Variants in DRP2 observed in about 807,000 individuals in gnomAD.
DRP2 encodes the protein dystrophin-related protein 2.
In DRP2, 29 loss-of-function variants were observed where a neutral mutation model predicts 78.2. The ratio of observed to expected loss-of-function variants is 0.37; its 90% CI spans 0.28 to 0.51. The LOEUF (loss-of-function observed/expected upper bound fraction) is 0.51. Among genes scored for constraint, DRP2 ranks in the 20% least tolerant of loss-of-function variants. The pLI, the probability that DRP2 is intolerant of heterozygous loss-of-function variation, is 0.94. For synonymous variants in DRP2, 290 were observed against 281.9 expected (o/e 1.03, Z -0.29); for missense variants, 686 against 770.6 (o/e 0.89, Z 1.30).
At position 101,256,114 on chromosome X, in the gene DRP2, G is replaced by A; in HGVS notation, c.2247-4G>A. The A allele has an allele frequency of 1.7e-6, 2 of 1,180,181 alleles. No individual in the cohort carries two copies. The highest frequency in any genetic ancestry group is 2.3e-6 in the Non-Finnish European group (2 of 881,491). On this transcript the variant is annotated splice_region_variant and splice_polypyrimidine_tract_variant and intron_variant, in intron 20 of 23. Transcript: ENST00000395209. Reference sequence around the variant, plus strand: ...CCTACTCTGCTTTCCCCACACCCATGCAGAGACGAGGACCAGTACCTGCTG... The same window carrying A: ...CCTACTCTGCTTTCCCCACACCCATACAGAGACGAGGACCAGTACCTGCTG...
chrX:101,230,200 C>T (rs767143658), intron 2 of DRP2, among the ~76,000 whole-genome samples: 2 of 112,207 alleles, frequency 1.8e-5, no homozygotes, highest in Non-Finnish European at 3.8e-5. Context: ...TGGAGAATCA[C>T]TCTATAAGGA....
Position 101,249,195 on chromosome X carries a change from C to T in DRP2, c.1540+596C>T, listed in dbSNP as rs533607319. On this transcript the variant is annotated intron_variant, in intron 14 of 23. Transcript: ENST00000395209. ...GGGGTGAGTGCTAAGTTAAATTAGA[C>T]GTGGTCCCTGCTTCCAATGATTTAC... Among the ~76,000 whole-genome samples, 74 of 112,015 alleles carry T rather than the reference C, an allele frequency of 6.6e-4. No homozygotes were observed. The South Asian group carries it at 0.019, about 28-fold the overall frequency.
intron 22 of DRP2, 145 bp downstream of exon 22, chrX:101,258,691 C>A (rs1268286079): frequency 1.1e-5 from 5 of 463,738 alleles, no homozygotes; most frequent in Non-Finnish European, 1.8e-5. Flanking sequence ...ACTGGGCCTG[C>A]GGTTGGTGGG....
At position 101,264,398 on chromosome X, in the gene DRP2, G is replaced by A. The variant is rs1182936565; in HGVS notation, c.*3777G>A. On this transcript the variant is annotated 3_prime_UTR_variant, in exon 24 of 24. Coordinates refer to ENST00000395209, the MANE Select transcript of DRP2 (RefSeq NM_001939.3). Reference sequence around the variant, plus strand: ...GGAAGTCTAGGGGACAAAGGGACAGGGTTGGGAACAAATTGGTTAACTTTG... The same window carrying A: ...GGAAGTCTAGGGGACAAAGGGACAGAGTTGGGAACAAATTGGTTAACTTTG... The A allele has an allele frequency of 1.8e-5, 2 of 111,942 alleles. No homozygotes were observed. Among genetic ancestry groups the A allele is most frequent in the Admixed American group, 1.9e-4 (2 of 10,540 alleles). The allele number at this position is 111,942 out of a possible 1,213,427, so 9.2% of individuals were successfully genotyped here. A position where few individuals can be genotyped will look rare whatever the true frequency, so the allele number is the denominator to read the frequency against.
intron 2 of DRP2, among the ~76,000 whole-genome samples, chrX:101,226,219 A>G (rs975629813): frequency 1.1e-4 from 12 of 112,326 alleles, no homozygotes; most frequent in Non-Finnish European, 2.3e-4. Flanking sequence ...TTGTATGGAT[A>G]CACCATTATT....
At chrX:101,260,450 T>A (rs752518934) in intron 23 of DRP2, 47 bp from the exon 24 acceptor site, 13 of 1,185,148 alleles carry the variant, frequency 1.1e-5, no homozygotes, top group Non-Finnish European at 1.4e-5. Context: ...CTTGGCCTCA[T>A]AAAGGAGTCT....
chrX:101,226,860 T>C (rs1922138625), intron 2 of DRP2, among the ~76,000 whole-genome samples: 1 of 112,043 alleles, frequency 8.9e-6, no homozygotes, highest in South Asian at 3.7e-4. Context: ...GTCCATTTTC[T>C]GTTGCTTATA....
intron 9 of DRP2, among the ~76,000 whole-genome samples, chrX:101,243,413 AAAAC>A (rs200591556): frequency 0.012 from 1,195 of 102,627 alleles, 17 homozygotes; most frequent in Middle Eastern, 0.075. Flanking sequence ...AAAAAAAAAA[AAAAC>A]ACAATCTCTC....
At chrX:101,236,885 G>T (rs184295102) in intron 4 of DRP2, among the ~76,000 whole-genome samples, 3 of 111,445 alleles carry the variant, frequency 2.7e-5, no homozygotes, top group African/African-American at 6.5e-5. Context: ...TGGTGGTGAG[G>T]GGGGGGCAAT....
At chrX:101,238,051 A>G (rs1922576305) in intron 5 of DRP2, among the ~76,000 whole-genome samples, 1 of 112,127 alleles carries the variant, frequency 8.9e-6, no homozygotes, top group Admixed American at 9.5e-5. Context: ...GAAAAAACAC[A>G]GGATACAAAA....
intron 3 of DRP2, among the ~76,000 whole-genome samples, chrX:101,234,846 G>A (rs1922434206): frequency 9.0e-6 from 1 of 110,694 alleles, no homozygotes; most frequent in Admixed American, 9.6e-5. Flanking sequence ...AAGAAGTATG[G>A]TTGGGGGCAA....
In DRP2 at chrX:101,248,255, C is replaced by T. The variant is rs1006883809; in HGVS notation, c.1419C>T (p.Asp473=). Residue 473 remains aspartate (D), a synonymous_variant, in exon 13 of 24, where the codon GAC becomes GAT. Coordinates refer to ENST00000395209, the MANE Select transcript of DRP2 (RefSeq NM_001939.3). The stretch of plus-strand genomic sequence containing the variant: ...TGGTCAACGTGCCACTCTGTGTGGA[C>T]ATGAGCCTCAATTGGCTCCTCAATG... ...GILVNVPLCV[D]MSLNWLLNVF... 8.3e-7 allele frequency: 1 copy of T among 1,209,703 alleles called. No individual in the cohort carries two copies. The highest frequency in any genetic ancestry group is 1.1e-6 in the Non-Finnish European group (1 of 895,242).
chrX:101,226,776 A>G (rs764978636), intron 2 of DRP2, among the ~76,000 whole-genome samples: 5 of 111,528 alleles, frequency 4.5e-5, no homozygotes, highest in Non-Finnish European at 9.4e-5. Flanking sequence ...TACATCCCAA[A>G]TCCCTCCAAC....
chrX:101,253,235 C>T (rs754664162), intron 17 of DRP2, among the ~76,000 whole-genome samples: 2 of 111,100 alleles, frequency 1.8e-5, no homozygotes, highest in Non-Finnish European at 3.8e-5. Flanking sequence ...ATGTCCTTTA[C>T]CTGGACCCCC....
At chrX:101,248,377 G>A (rs1182422204) in intron 13 of DRP2, 87 bp downstream of exon 13, 2 of 1,112,520 alleles carry the variant, frequency 1.8e-6, no homozygotes, top group African/African-American at 1.8e-5. Context: ...TGCTCCCATA[G>A]TAGACTTGGA....
chrX:101,259,104 CAGTT>C (rs937858655), intron 22 of DRP2, among the ~76,000 whole-genome samples: 17 of 111,655 alleles, frequency 1.5e-4, no homozygotes, highest in Admixed American at 1.9e-4. Flanking sequence ...GGTGTTTGGA[CAGTT>C]AGTTAACCTC....
Position 101,261,336 on chromosome X carries a change from A to T in DRP2, c.*715A>T, listed in dbSNP as rs1436484916. ...ATTAAATCCATACTTATGGGTTTAG[A>T]TTTTTTTTTTGCCCCACATCTTCCT... On this transcript the variant is annotated 3_prime_UTR_variant, in exon 24 of 24. Coordinates refer to ENST00000395209, the MANE Select transcript of DRP2 (RefSeq NM_001939.3). 3.7e-5 allele frequency: 4 copies of T among 107,189 alleles called. No homozygotes were observed. Among genetic ancestry groups the T allele is most frequent in the African/African-American group, 1.0e-4 (3 of 29,551 alleles). 8.8% of individuals were successfully genotyped at this position (107,189 alleles called of 1,213,427 possible). A position where few individuals can be genotyped will look rare whatever the true frequency, so the allele number is the denominator to read the frequency against.
chrX:101,249,908 C>T (rs1053800389), intron 14 of DRP2, among the ~76,000 whole-genome samples: 1 of 111,669 alleles, frequency 9.0e-6, no homozygotes, highest in African/African-American at 3.3e-5. Flanking sequence ...GAATTAGCTT[C>T]TCTTTTTGGA....
intron 2 of DRP2, among the ~76,000 whole-genome samples, chrX:101,230,083 G>T (rs1384660853): frequency 8.9e-6 from 1 of 111,959 alleles, no homozygotes; most frequent in Non-Finnish European, 1.9e-5. Context: ...TGATCATCAA[G>T]CCCAGTGTAT....
Sources: gnomAD v4.1 joint callset for allele counts (sites outside exome capture counted in the v4.1 genomes callset) on GRCh38, gnomAD v4.1.1 for gene constraint, MANE v1.5 for transcripts, NCBI Gene and HGNC (gene_info 2026-07-23, HGNC 2026-07-21) for gene names.